The following RAB6A variants were observed in gnomAD, a reference collection of about 807,000 sequenced individuals.
RAB6A encodes ras-related protein Rab-6A.
A neutral mutation model predicts 32.3 loss-of-function variants in RAB6A; 8 were observed. The ratio of observed to expected loss-of-function variants is 0.25; its 90% CI spans 0.15 to 0.45. RAB6A has a LOEUF of 0.45. Among genes scored for constraint, RAB6A ranks in the 20% least tolerant of loss-of-function variants. The probability of loss-of-function intolerance (pLI) is 1.00; values close to 1 mark genes in which losing one functional copy is unlikely to be tolerated. For missense variants in RAB6A, 104 were observed against 249.4 expected (o/e 0.42, Z 3.93); for synonymous variants, 73 against 82.1 (o/e 0.89, Z 0.60).
rs1946828400 is a variant in RAB6A at position 73,760,482 on chromosome 11, G to C, written c.70+84C>G. On this transcript the variant is annotated intron_variant, in intron 1 of 7. Coordinates refer to ENST00000336083, the MANE Select transcript of RAB6A (RefSeq NM_198896.2). ...AGCGCGGACGCGAGGCGGGCAGGGA[G>C]CCTCCGCGGACGGAAGGGCCGCACC... 3 of 1,493,156 alleles carry C rather than the reference G, an allele frequency of 2.0e-6. No individual in the cohort carries two copies. In the African/African-American group the frequency reaches 4.2e-5, roughly 21 times the overall value. The allele number at this position is 1,493,156 out of a possible 1,614,324, so 92.5% of individuals were successfully genotyped here. A position where few individuals can be genotyped will look rare whatever the true frequency, so the allele number is the denominator to read the frequency against.
intron 1 of RAB6A, among the ~76,000 whole-genome samples, chr11:73,751,219 T>C (rs550969416): frequency 6.6e-6 from 1 of 152,158 alleles, no homozygotes; most frequent in South Asian, 2.1e-4. Context: ...TTCCGGGCTG[T>C]AGTACGCTAT....
Position 73,677,629 on chromosome 11 carries a change from G to A in RAB6A, c.*269C>T. On this transcript the variant is annotated 3_prime_UTR_variant, in exon 8 of 8. Transcript: ENST00000336083. The stretch of plus-strand genomic sequence containing the variant: ...TCATAACATTAAAAAAGAAAAAAAT[G>A]TTAAGAAAATGTATCTAATTTTTAA... 2 of 824,710 alleles carry A rather than the reference G, an allele frequency of 2.4e-6. No individual in the cohort carries two copies. The highest frequency in any genetic ancestry group is 3.7e-6 in the Non-Finnish European group (2 of 544,344). 51.1% of individuals were successfully genotyped at this position (824,710 alleles called of 1,614,324 possible).
chr11:73,687,380 G>A (rs1048570181), intron 6 of RAB6A, among the ~76,000 whole-genome samples: 2 of 152,122 alleles, frequency 1.3e-5, no homozygotes, highest in African/African-American at 2.4e-5. Context: ...ACAATCTTAG[G>A]ATAATGAACA....
At position 73,685,885 on chromosome 11, in the gene RAB6A, C is replaced by CAAAAAAAAAAA. The variant is rs56270679; in HGVS notation, c.496-6176_496-6166dup. ...AGGCAACAAGAGTGAAACTCCGTCTCAAAAAAAAAAAAAAAAAAAAAAAGC... is the reference window on the plus strand; with the variant it reads ...AGGCAACAAGAGTGAAACTCCGTCTCAAAAAAAAAAAAAAAAAAAAAAAAAAAAAAAAAAGC... On this transcript the variant is annotated intron_variant, in intron 6 of 7. Coordinates refer to ENST00000336083, the MANE Select transcript of RAB6A (RefSeq NM_198896.2). Among the ~76,000 whole-genome samples, 89 of 102,996 alleles carry CAAAAAAAAAAA rather than the reference C, an allele frequency of 8.6e-4. 1 individual carries two copies. Among genetic ancestry groups the CAAAAAAAAAAA allele is most frequent in the Middle Eastern group, 0.01 (2 of 198 alleles). 67.6% of individuals were successfully genotyped at this position (102,996 alleles called of 152,430 possible). A position where few individuals can be genotyped will look rare whatever the true frequency, so the allele number is the denominator to read the frequency against.
intron 6 of RAB6A, among the ~76,000 whole-genome samples, chr11:73,681,943 T>A (rs901666950): frequency 3.3e-5 from 5 of 152,190 alleles, no homozygotes; most frequent in Non-Finnish European, 5.9e-5. Flanking sequence ...TAAGGTTCAG[T>A]AGCTTTTTTA....
chr11:73,746,785 A>T (rs1946594840), intron 1 of RAB6A, among the ~76,000 whole-genome samples: 1 of 152,116 alleles, frequency 6.6e-6, no homozygotes, highest in East Asian at 1.9e-4. Context: ...AAAAAAAAAA[A>T]AGTGAGTTGT....
chr11:73,740,441 T>G (rs1017075216), intron 1 of RAB6A, among the ~76,000 whole-genome samples: 1 of 152,180 alleles, frequency 6.6e-6, no homozygotes, highest in East Asian at 1.9e-4. Flanking sequence ...GATGCAATTC[T>G]AGAGGAAAAC....
At chr11:73,753,247 A>G (rs1171631696) in intron 1 of RAB6A, among the ~76,000 whole-genome samples, 3 of 152,138 alleles carry the variant, frequency 2.0e-5, no homozygotes, top group East Asian at 3.9e-4. Context: ...AAGGAGTTCA[A>G]GACTAACCTG....
chr11:73,702,699 A>C (rs1337060846), intron 6 of RAB6A, among the ~76,000 whole-genome samples: 1 of 152,116 alleles, frequency 6.6e-6, no homozygotes, highest in African/African-American at 2.4e-5. Context: ...ATTATCTAGA[A>C]ATGTCCCTAA....
At chr11:73,720,435 G>T (rs1360822745) in intron 3 of RAB6A, among the ~76,000 whole-genome samples, 4 of 152,022 alleles carry the variant, frequency 2.6e-5, no homozygotes, top group Non-Finnish European at 5.9e-5. Flanking sequence ...ACCTGCCTCA[G>T]CCTCCCAAAG....
chr11:73,703,332 T>C (rs1452020987), intron 6 of RAB6A, among the ~76,000 whole-genome samples: 2 of 152,144 alleles, frequency 1.3e-5, no homozygotes, highest in Non-Finnish European at 1.5e-5. Flanking sequence ...CTTATTTTTA[T>C]GGCAAAACAA....
At chr11:73,708,853 AT>A (rs911119282) in intron 5 of RAB6A, among the ~76,000 whole-genome samples, 19 of 152,150 alleles carry the variant, frequency 1.2e-4, no homozygotes, top group African/African-American at 4.6e-4. Context: ...AGTTGTCCTT[AT>A]TCTCAAAACT....
At chr11:73,685,393 G>A (rs10898934) in intron 6 of RAB6A, among the ~76,000 whole-genome samples, 136,636 of 149,378 alleles carry the variant, frequency 0.91, 62,659 homozygotes, top group East Asian at 1. Flanking sequence ...GGTTCAAGCT[G>A]TTCTCCTGCC....
At chr11:73,706,941 A>C (rs1045659279) in intron 6 of RAB6A, among the ~76,000 whole-genome samples, 3 of 152,084 alleles carry the variant, frequency 2.0e-5, no homozygotes, top group Non-Finnish European at 4.4e-5. Flanking sequence ...AACATGAAAA[A>C]AACCCCATCT....
chr11:73,710,753 AT>A lies in RAB6A; in HGVS notation c.402-3241del, dbSNP rs200147374. ...CTCAGTCTTGAAAAAAAAAAAGTTAATTTTTTTTTTTTTTTGAGACAAGGTC... is the reference window on the plus strand; with the variant it reads ...CTCAGTCTTGAAAAAAAAAAAGTTAATTTTTTTTTTTTTTGAGACAAGGTC... On this transcript the variant is annotated intron_variant, in intron 5 of 7. Transcript: ENST00000336083. 4.6e-3 allele frequency among the ~76,000 whole-genome samples: 650 copies of A among 141,414 alleles called. 1 individual carries two copies. The highest frequency in any genetic ancestry group is 0.011 in the Middle Eastern group (3 of 274). 92.8% of individuals were successfully genotyped at this position (141,414 alleles called of 152,430 possible).
At position 73,739,284 on chromosome 11, in the gene RAB6A, A is replaced by AAAAAATAT. The variant is rs1208877325; in HGVS notation, c.71-8462_71-8461insATATTTTT. 6.8e-3 allele frequency among the ~76,000 whole-genome samples: 46 copies of AAAAAATAT among 6,724 alleles called. 1 individual carries two copies. The highest frequency in any genetic ancestry group is 0.05 in the Middle Eastern group (1 of 20). The allele number at this position is 6,724 out of a possible 152,430, so 4.4% of individuals were successfully genotyped here. A position where few individuals can be genotyped will look rare whatever the true frequency, so the allele number is the denominator to read the frequency against. On this transcript the variant is annotated intron_variant, in intron 1 of 7. Coordinates refer to ENST00000336083, the MANE Select transcript of RAB6A (RefSeq NM_198896.2). Reference sequence around the variant, plus strand: ...TAATTAAAAAAAAAAAAAAAAAAAAAATATATATATATATATATATAAATA... The same window carrying AAAAAATAT: ...TAATTAAAAAAAAAAAAAAAAAAAAAAAAAATATATATATATATATATATATATAAATA...
chr11:73,719,146 A>G (rs994901245), intron 3 of RAB6A, among the ~76,000 whole-genome samples: 3 of 152,214 alleles, frequency 2.0e-5, no homozygotes, highest in Non-Finnish European at 4.4e-5. Context: ...AATCAGAAAT[A>G]TGGCTTCCCT....
intron 2 of RAB6A, chr11:73,722,320 TATATATATATATATATA>T (rs2134955226): frequency 1.2e-4 from 1 of 8,166 alleles, no homozygotes; most frequent in African/African-American, 4.0e-4. Context: ...TATATATATA[TATATATATATATATATA>T]TATATATTTT....
chr11:73,730,564 G>A (rs1361470788), intron 2 of RAB6A: 2 of 508,946 alleles, frequency 3.9e-6, no homozygotes, highest in Non-Finnish European at 6.9e-6. Context: ...ACAGACTTTG[G>A]AAGAGACAAA....
Sources: allele counts gnomAD v4.1 joint callset (sites outside exome capture counted in the v4.1 genomes callset), GRCh38; gene constraint gnomAD v4.1.1; transcripts MANE v1.5; gene names NCBI Gene and HGNC (gene_info 2026-07-23, HGNC 2026-07-21).